The following CSMD1 variants were observed in gnomAD, a reference collection of about 807,000 sequenced individuals.
The protein encoded by CSMD1 is CUB and sushi domain-containing protein 1.
CSMD1 carries 213 observed loss-of-function variants against 417.5 expected under a neutral mutation model. That is an observed-to-expected ratio of 0.51 (90% CI 0.46 to 0.57). CSMD1 has a LOEUF of 0.57. Among genes scored for constraint, CSMD1 ranks in the 20% least tolerant of loss-of-function variants. The pLI is 0.00. For missense variants in CSMD1, 6,923 were observed against 4,529.7 expected, an observed-to-expected ratio of 1.53 and a Z score of -15.17; for synonymous variants, 2,862 against 1,736.8, an observed-to-expected ratio of 1.65 and a Z score of -16.11.
chr8:4,068,361 C>T (rs923767843), intron 3 of CSMD1, among the ~76,000 whole-genome samples: 1 of 152,102 alleles, frequency 6.6e-6, no homozygotes, highest in African/African-American at 2.4e-5. Flanking sequence ...GAGAGGGGAT[C>T]TTATTTGTCA....
chr8:3,910,208 G>A (rs1043855068), intron 5 of CSMD1, among the ~76,000 whole-genome samples: 5 of 152,132 alleles, frequency 3.3e-5, no homozygotes, highest in Admixed American at 2.6e-4. Context: ...GGAAAACAAT[G>A]TTCATGCAGT....
intron 5 of CSMD1, among the ~76,000 whole-genome samples, chr8:3,797,671 T>A (rs1309265073): frequency 6.6e-6 from 1 of 152,022 alleles, no homozygotes; most frequent in Non-Finnish European, 1.5e-5. Context: ...CTCCAATTAA[T>A]GGACTTTTGG....
intron 3 of CSMD1, among the ~76,000 whole-genome samples, chr8:4,409,923 C>T (rs533458948): frequency 6.6e-6 from 1 of 152,070 alleles, no homozygotes; most frequent in East Asian, 1.9e-4. Flanking sequence ...AAATGATTCT[C>T]CTGCCTCAGC....
intron 8 of CSMD1, among the ~76,000 whole-genome samples, chr8:3,600,286 G>C (rs955492308): frequency 1.3e-5 from 2 of 152,282 alleles, no homozygotes; most frequent in Non-Finnish European, 2.9e-5. Context: ...ATAAAATTTA[G>C]AATTTGGTGC....
chr8:3,065,232 G>A (rs115793103), intron 49 of CSMD1, among the ~76,000 whole-genome samples: 349 of 152,156 alleles, frequency 2.3e-3, no homozygotes, highest in African/African-American at 8.1e-3. Flanking sequence ...AGATGATAGA[G>A]TAGATAGAAA....
intron 3 of CSMD1, among the ~76,000 whole-genome samples, chr8:4,360,192 T>C (rs1388005216): frequency 6.6e-6 from 1 of 152,156 alleles, no homozygotes; most frequent in African/African-American, 2.4e-5. Context: ...AGTAAACGCG[T>C]GGCATTTGTC....
At position 2,963,214 on chromosome 8, in the gene CSMD1, G is replaced by A; in HGVS notation, c.9454+8C>T. 1 of 1,613,646 alleles carries A rather than the reference G, an allele frequency of 6.2e-7. No individual in the cohort carries two copies. Among genetic ancestry groups the A allele is most frequent in the Non-Finnish European group, 8.5e-7 (1 of 1,179,650 alleles). On this transcript the variant is annotated splice_region_variant and intron_variant, in intron 60 of 69. Transcript: ENST00000635120. ...AGTGGGCGGAACAAATTCTGCTGTA[G>A]AACTTACGGAGACACTGGGGGATCT...
At chr8:4,575,794 C>T (rs139706989) in intron 2 of CSMD1, among the ~76,000 whole-genome samples, 119 of 152,292 alleles carry the variant, frequency 7.8e-4, no homozygotes, top group African/African-American at 2.5e-3. Context: ...GTCTCATCTC[C>T]GGCAATAACA....
chr8:3,285,597 C>T (rs1229422087), intron 25 of CSMD1, among the ~76,000 whole-genome samples: 1 of 151,876 alleles, frequency 6.6e-6, no homozygotes, highest in African/African-American at 2.4e-5. Context: ...TGGGGTTTCA[C>T]CAAGTTGACC....
chr8:3,961,200 T>C (rs989794301), intron 5 of CSMD1, among the ~76,000 whole-genome samples: 1 of 152,198 alleles, frequency 6.6e-6, no homozygotes, highest in Non-Finnish European at 1.5e-5. Context: ...ATGAAAGTCA[T>C]TGTCTCAATT....
intron 4 of CSMD1, among the ~76,000 whole-genome samples, chr8:4,025,496 G>A (rs563136470): frequency 3.2e-4 from 48 of 152,138 alleles, no homozygotes; most frequent in African/African-American, 1.0e-3. Context: ...AAATCAAGAG[G>A]CAAAAGCATT....
At chr8:4,936,394 A>C (rs1173384423) in intron 1 of CSMD1, among the ~76,000 whole-genome samples, 1 of 152,240 alleles carries the variant, frequency 6.6e-6, no homozygotes, top group African/African-American at 2.4e-5. Context: ...TATAATTTTT[A>C]AAATTGAAGA....
intron 6 of CSMD1, among the ~76,000 whole-genome samples, chr8:3,711,931 C>G (rs999730707): frequency 1.1e-4 from 17 of 152,130 alleles, no homozygotes; most frequent in African/African-American, 4.1e-4. Flanking sequence ...AGAATCTAAA[C>G]AGAAAATTCG....
At position 4,571,608 on chromosome 8, in the gene CSMD1, T is replaced by C. The variant is rs57829065; in HGVS notation, c.302+65734A>G. Among the ~76,000 whole-genome samples the C allele has an allele frequency of 2.1e-3, 323 of 152,364 alleles. 2 individuals are homozygous for C. The highest frequency in any genetic ancestry group is 7.2e-3 in the African/African-American group (298 of 41,590). ...AAGTGCTATGTGGTGCTGAGAAGAA[T>C]GTGAACTCTGTTAATTTCGGGTGGA... is the stretch of plus-strand genomic sequence containing the variant. On this transcript the variant is annotated intron_variant, in intron 2 of 69. Transcript: ENST00000635120.
At chr8:3,014,665 C>A (rs1410532114) in intron 52 of CSMD1, among the ~76,000 whole-genome samples, 1 of 152,190 alleles carries the variant, frequency 6.6e-6, no homozygotes, top group Non-Finnish European at 1.5e-5. Context: ...ATAATCCCAG[C>A]ACTTTGGGAA....
At position 4,542,017 on chromosome 8, in the gene CSMD1, A is replaced by G. The variant is rs930288460; in HGVS notation, c.302+95325T>C. On this transcript the variant is annotated intron_variant, in intron 2 of 69. Transcript: ENST00000635120. ...TGCTGTGAGCCACACTCTGTTGCCA[A>G]TTGAAGCAAATGTGGTCCCAGAGCC... 4.6e-5 allele frequency among the ~76,000 whole-genome samples: 7 copies of G among 152,254 alleles called. No homozygotes were observed. The East Asian group carries it at 5.8e-4, about 13-fold the overall frequency.
intron 1 of CSMD1, among the ~76,000 whole-genome samples, chr8:4,726,104 T>A (rs558839806): frequency 6.6e-6 from 1 of 152,254 alleles, no homozygotes; most frequent in Non-Finnish European, 1.5e-5. Context: ...AACGCACATA[T>A]AACACACGGG....
intron 3 of CSMD1, among the ~76,000 whole-genome samples, chr8:4,292,225 A>C (rs115379727): frequency 1.2e-4 from 18 of 152,138 alleles, no homozygotes; most frequent in African/African-American, 4.3e-4. Context: ...CTTACTTTCC[A>C]AAGAATTTTG....
Position 4,005,803 on chromosome 8 carries a change from C to A in CSMD1, c.611-7693G>T, listed in dbSNP as rs554163357. 2.0e-5 allele frequency among the ~76,000 whole-genome samples: 3 copies of A among 152,262 alleles called. 1 individual carries two copies. In the South Asian group the frequency reaches 6.2e-4, roughly 32 times the overall value. ...ATAATTAGTGTCAGAATCTCATTTGCACTTGGCATTAACAGACCCCGGATT... is the reference window on the plus strand; with the variant it reads ...ATAATTAGTGTCAGAATCTCATTTGAACTTGGCATTAACAGACCCCGGATT... On this transcript the variant is annotated intron_variant, in intron 4 of 69. Coordinates refer to ENST00000635120, the MANE Select transcript of CSMD1 (RefSeq NM_033225.6).
Sources: allele counts gnomAD v4.1 joint callset (sites outside exome capture counted in the v4.1 genomes callset), GRCh38; gene constraint gnomAD v4.1.1; transcripts MANE v1.5; gene names NCBI Gene and HGNC (gene_info 2026-07-23, HGNC 2026-07-21).